GPC5: variants seen among roughly 807,000 people sequenced by gnomAD.
GPC5 encodes the protein glypican-5.
Under a neutral mutation model 53.9 loss-of-function variants are expected in GPC5, and 47 were observed. That is an observed-to-expected ratio of 0.87 (90% CI 0.69 to 1.11). The LOEUF is 1.11. GPC5 is among the 50% of genes most tolerant of loss of function. The probability of loss-of-function intolerance (pLI) is 0.00; values close to 1 mark genes in which losing one functional copy is unlikely to be tolerated. For synonymous variants in GPC5, 286 were observed against 263.3 expected (o/e 1.09, Z -0.84); for missense variants, 748 against 713.1 (o/e 1.05, Z -0.56).
intron 7 of GPC5, among the ~76,000 whole-genome samples, chr13:92,808,482 G>T (rs1338953388): frequency 6.6e-6 from 1 of 152,170 alleles, no homozygotes; most frequent in East Asian, 1.9e-4. Context: ...TGCTGGTGGG[G>T]ATTTCTAAGT....
intron 7 of GPC5, among the ~76,000 whole-genome samples, chr13:92,290,329 TTTTA>T (rs1437117041): frequency 3.9e-5 from 6 of 152,138 alleles, no homozygotes; most frequent in Admixed American, 1.3e-4. Flanking sequence ...TGACTTATAT[TTTTA>T]TTTATTTATT....
At chr13:91,571,572 A>G (rs1276294993) in intron 2 of GPC5, among the ~76,000 whole-genome samples, 1 of 151,856 alleles carries the variant, frequency 6.6e-6, no homozygotes, top group African/African-American at 2.4e-5. Flanking sequence ...AAAAATACAA[A>G]AAAGTAGCTG....
chr13:92,081,451 A>C (rs1483034151), intron 6 of GPC5, among the ~76,000 whole-genome samples: 4 of 152,176 alleles, frequency 2.6e-5, no homozygotes, highest in African/African-American at 9.7e-5. Context: ...AGACATAATA[A>C]CTGTTGAATA....
At chr13:91,538,722 A>G (rs903670701) in intron 2 of GPC5, among the ~76,000 whole-genome samples, 2 of 151,454 alleles carry the variant, frequency 1.3e-5, no homozygotes, top group African/African-American at 4.9e-5. Flanking sequence ...AGCTGGGACT[A>G]CAGGTGCCCG....
chr13:91,984,589 G>A (rs1276304950), intron 6 of GPC5, among the ~76,000 whole-genome samples: 1 of 152,096 alleles, frequency 6.6e-6, no homozygotes, highest in Non-Finnish European at 1.5e-5. Context: ...TCATGAGAGG[G>A]CTTTCTTTTA....
intron 7 of GPC5, among the ~76,000 whole-genome samples, chr13:92,196,576 C>T (rs1174231891): frequency 6.6e-6 from 1 of 152,148 alleles, no homozygotes. Context: ...AAATTTTAGT[C>T]ATGAAGTCTC....
intron 2 of GPC5, among the ~76,000 whole-genome samples, chr13:91,493,858 A>G (rs920636589): frequency 5.9e-5 from 9 of 151,586 alleles, no homozygotes; most frequent in African/African-American, 2.2e-4. Flanking sequence ...TCTTGCCTGT[A>G]TCTGTTATAT....
intron 7 of GPC5, among the ~76,000 whole-genome samples, chr13:92,259,391 C>T (rs1404439740): frequency 6.6e-6 from 1 of 152,124 alleles, no homozygotes; most frequent in Non-Finnish European, 1.5e-5. Flanking sequence ...AAATTTTTGT[C>T]TCCTGCTGTT....
intron 7 of GPC5, among the ~76,000 whole-genome samples, chr13:92,432,522 C>G (rs560375903): frequency 1.2e-4 from 18 of 150,998 alleles, no homozygotes; most frequent in African/African-American, 4.4e-4. Flanking sequence ...TCACAGGCAC[C>G]CACCACCACG....
chr13:92,536,183 C>A (rs1426266893), intron 7 of GPC5, among the ~76,000 whole-genome samples: 1 of 152,040 alleles, frequency 6.6e-6, no homozygotes, highest in Admixed American at 6.6e-5. Flanking sequence ...TTCTTCATGG[C>A]AGATAGTAGA....
intron 7 of GPC5, among the ~76,000 whole-genome samples, chr13:92,175,707 T>C (rs2042104434): frequency 6.6e-6 from 1 of 152,156 alleles, no homozygotes; most frequent in African/African-American, 2.4e-5. Context: ...TGTAACACTG[T>C]GAGCAATTAT....
chr13:91,790,323 C>G (rs1311916474), intron 5 of GPC5, among the ~76,000 whole-genome samples: 1 of 152,168 alleles, frequency 6.6e-6, no homozygotes. Flanking sequence ...AAGGCATACA[C>G]TCTTAATACT....
intron 7 of GPC5, among the ~76,000 whole-genome samples, chr13:92,162,931 A>AT (rs1358582056): frequency 6.6e-6 from 1 of 152,156 alleles, no homozygotes; most frequent in Middle Eastern, 3.2e-3. Context: ...TACATAATAT[A>AT]TATAATTACA....
intron 7 of GPC5, among the ~76,000 whole-genome samples, chr13:92,319,538 T>C (rs2043202206): frequency 6.6e-6 from 1 of 152,146 alleles, no homozygotes; most frequent in Non-Finnish European, 1.5e-5. Flanking sequence ...CATGATCCAC[T>C]TAACACACCT....
intron 7 of GPC5, among the ~76,000 whole-genome samples, chr13:92,335,576 C>G (rs2043316548): frequency 6.6e-6 from 1 of 152,128 alleles, no homozygotes; most frequent in Non-Finnish European, 1.5e-5. Context: ...GGTTTTTCTT[C>G]TCTACTGCTT....
At chr13:92,416,310 A>G (rs1214539760) in intron 7 of GPC5, among the ~76,000 whole-genome samples, 1 of 152,174 alleles carries the variant, frequency 6.6e-6, no homozygotes, top group Non-Finnish European at 1.5e-5. Flanking sequence ...GGGATAGTTT[A>G]AGGTGTAAGA....
chr13:91,488,185 A>G (rs1883725596), intron 2 of GPC5, among the ~76,000 whole-genome samples: 1 of 152,166 alleles, frequency 6.6e-6, no homozygotes, highest in South Asian at 2.1e-4. Flanking sequence ...CTCAGTATGA[A>G]GCATCTCCTA....
At chr13:92,799,088 A>G (rs1355802738) in intron 7 of GPC5, among the ~76,000 whole-genome samples, 1 of 151,334 alleles carries the variant, frequency 6.6e-6, no homozygotes, top group African/African-American at 2.4e-5. Context: ...TTTTTTTTTC[A>G]TTTAATGAAA....
In GPC5 at chr13:92,830,361, A is replaced by AT. The variant is rs1194690186; in HGVS notation, c.1562-35914dup. ...TTACAATATGCTTTTACATTTCCAG[A>AT]TTTTTTTCCTATAGGAGAGTTCAGG... On this transcript the variant is annotated intron_variant, in intron 7 of 7. Coordinates refer to ENST00000377067, the MANE Select transcript of GPC5 (RefSeq NM_004466.6). Among the ~76,000 whole-genome samples, 7 of 151,948 alleles carry AT rather than the reference A, an allele frequency of 4.6e-5. No homozygotes were observed. The South Asian group carries it at 6.2e-4, about 13-fold the overall frequency.
Sources: gnomAD v4.1 joint callset for allele counts (sites outside exome capture counted in the v4.1 genomes callset) on GRCh38, gnomAD v4.1.1 for gene constraint, MANE v1.5 for transcripts, NCBI Gene and HGNC (gene_info 2026-07-23, HGNC 2026-07-21) for gene names.